STPG2: variants seen among roughly 807,000 people sequenced by gnomAD.
The protein encoded by STPG2 is sperm tail PG-rich repeat containing 2, also known as sperm-tail PG-rich repeat-containing protein 2.
A neutral mutation model predicts 54.2 loss-of-function variants in STPG2; 56 were observed. The observed-to-expected ratio is 1.03, with a 90% CI of 0.83 to 1.29. The LOEUF is 1.29. Among genes scored for constraint, STPG2 ranks in the 50% most tolerant of loss-of-function variants. STPG2 has a pLI of 0.00. For synonymous variants in STPG2, 200 were observed against 181.8 expected (o/e 1.10, Z -0.81); for missense variants, 596 against 544.9 (o/e 1.09, Z -0.93).
chr4:97,703,218 T>C (rs1393366483), intron 10 of STPG2, among the ~76,000 whole-genome samples: 1 of 151,784 alleles, frequency 6.6e-6, no homozygotes, highest in Admixed American at 6.6e-5. Flanking sequence ...GTGTTCTCCA[T>C]ATTATTAGAA....
In STPG2 at chr4:97,793,363, T is replaced by TTATATA. The variant is rs111505004; in HGVS notation, c.1204+47404_1204+47409dup. Among the ~76,000 whole-genome samples the TTATATA allele has an allele frequency of 2.4e-3, 332 of 138,580 alleles. 2 individuals are homozygous for TTATATA. Among genetic ancestry groups the TTATATA allele is most frequent in the African/African-American group, 7.8e-3 (287 of 36,620 alleles). The allele number at this position is 138,580 out of a possible 152,430, so 90.9% of individuals were successfully genotyped here. A position where few individuals can be genotyped will look rare whatever the true frequency, so the allele number is the denominator to read the frequency against. The stretch of plus-strand genomic sequence containing the variant: ...GATTTATATATATAAAATTAGAGTT[T>TTATATA]TATATATACACACACACACACACAC... On this transcript the variant is annotated intron_variant, in intron 9 of 10. Coordinates refer to ENST00000295268, the MANE Select transcript of STPG2 (RefSeq NM_174952.3).
intron 8 of STPG2, among the ~76,000 whole-genome samples, chr4:97,846,646 A>G (rs1181481404): frequency 6.9e-6 from 1 of 144,870 alleles, no homozygotes; most frequent in African/African-American, 2.6e-5. Context: ...AAAAAAAAAA[A>G]CACAGGAAGG....
chr4:97,930,126 T>C (rs891823369), intron 8 of STPG2, among the ~76,000 whole-genome samples: 1 of 152,114 alleles, frequency 6.6e-6, no homozygotes. Flanking sequence ...CTCAATCTCC[T>C]GACCTCGTAA....
chr4:97,928,909 G>A (rs1449697850), intron 8 of STPG2, among the ~76,000 whole-genome samples: 1 of 151,536 alleles, frequency 6.6e-6, no homozygotes, highest in Admixed American at 6.6e-5. Context: ...TAGGTTTGGG[G>A]GTCCATGTGA....
Position 97,972,406 on chromosome 4 carries a change from T to A in STPG2, c.807A>T (p.Ile269=). 1 of 1,600,880 alleles carries A rather than the reference T, an allele frequency of 6.2e-7. No individual in the cohort carries two copies. Among genetic ancestry groups the A allele is most frequent in the Non-Finnish European group, 8.5e-7 (1 of 1,171,582 alleles). ...PGFYNVLNNT[I]IASVRNICSK... is the part of the protein sequence containing the mutation. ...AGCAGATATTTCTAACACTGGCAATTATAGTATTGTTCAAGACATTATAAA... is the reference window on the plus strand; with the variant it reads ...AGCAGATATTTCTAACACTGGCAATAATAGTATTGTTCAAGACATTATAAA... Residue 269 remains isoleucine, a synonymous_variant, in exon 7 of 11, where the codon ATA becomes ATT. Coordinates refer to ENST00000295268, the MANE Select transcript of STPG2 (RefSeq NM_174952.3).
intron 8 of STPG2, among the ~76,000 whole-genome samples, chr4:97,891,466 C>T (rs942958069): frequency 6.6e-6 from 1 of 151,678 alleles, no homozygotes; most frequent in South Asian, 2.1e-4. Flanking sequence ...AGAAATAAAG[C>T]TTTATTTACC....
chr4:98,131,552 T>C (rs1021831932), intron 2 of STPG2, among the ~76,000 whole-genome samples: 1 of 152,128 alleles, frequency 6.6e-6, no homozygotes, highest in East Asian at 1.9e-4. Context: ...TTAAAACATA[T>C]CTTCCTAAGC....
intron 10 of STPG2, among the ~76,000 whole-genome samples, chr4:97,666,706 T>C (rs1284214538): frequency 1.3e-5 from 2 of 152,228 alleles, no homozygotes; most frequent in African/African-American, 2.4e-5. Flanking sequence ...GGTATCATGC[T>C]AAGCCTTGTG....
intron 9 of STPG2, among the ~76,000 whole-genome samples, chr4:97,821,910 A>C (rs1728103425): frequency 1.3e-5 from 2 of 152,164 alleles, no homozygotes; most frequent in African/African-American, 4.8e-5. Context: ...AGATCTCTGA[A>C]ATGCCTTGGA....
At chr4:97,487,577 G>A (rs1272778789) in intron 4 of STPG2, among the ~76,000 whole-genome samples, 3 of 151,234 alleles carry the variant, frequency 2.0e-5, no homozygotes, top group Non-Finnish European at 3.0e-5. Context: ...TAGAATGCAT[G>A]TTACACTTCA....
intron 8 of STPG2, among the ~76,000 whole-genome samples, chr4:97,877,469 G>A (rs1160451728): frequency 6.6e-6 from 1 of 152,184 alleles, no homozygotes; most frequent in African/African-American, 2.4e-5. Flanking sequence ...CGGACTCACA[G>A]TTCCACGTGG....
In STPG2 at chr4:97,558,962, T is replaced by C. The variant is rs535114640; in HGVS notation, c.*96A>G. 13 of 994,934 alleles carry C rather than the reference T, an allele frequency of 1.3e-5. No individual in the cohort carries two copies. The African/African-American group carries it at 2.0e-4, about 15-fold the overall frequency. The allele number at this position is 994,934 out of a possible 1,614,324, so 61.6% of individuals were successfully genotyped here. On this transcript the variant is annotated 3_prime_UTR_variant, in exon 11 of 11. Transcript: ENST00000295268. ...CCTGAACAAGTGAAAATTATGCTTT[T>C]ATTACTCCTATATTTGGAATAAATT...
At chr4:98,109,445 C>A in intron 3 of STPG2, 140 bp from the exon 4 acceptor site, 1 of 587,318 alleles carries the variant, frequency 1.7e-6, no homozygotes. Flanking sequence ...TGCTAAAGTG[C>A]TCTTGGATAG....
chr4:97,493,390 G>A (rs1578341346), intron 4 of STPG2, among the ~76,000 whole-genome samples: 1 of 151,378 alleles, frequency 6.6e-6, no homozygotes, highest in South Asian at 2.1e-4. Context: ...GCAGGATCCC[G>A]CTGTAATAGA....
intron 8 of STPG2, among the ~76,000 whole-genome samples, chr4:97,897,545 T>G (rs1312504242): frequency 6.6e-6 from 1 of 152,106 alleles, no homozygotes; most frequent in Non-Finnish European, 1.5e-5. Flanking sequence ...CATTCTTTTT[T>G]CTCTGCAACC....
chr4:97,818,573 C>T (rs1727988782), intron 9 of STPG2, among the ~76,000 whole-genome samples: 2 of 151,920 alleles, frequency 1.3e-5, no homozygotes, highest in South Asian at 4.2e-4. Flanking sequence ...GCTGTATTTT[C>T]AATTTTTCTT....
At chr4:97,736,630 A>C (rs901081018) in intron 9 of STPG2, among the ~76,000 whole-genome samples, 6 of 152,166 alleles carry the variant, frequency 3.9e-5, no homozygotes, top group African/African-American at 1.4e-4. Context: ...CTGAGATCAA[A>C]CTGCAAGGTG....
chr4:97,965,702 G>A (rs555429821), intron 7 of STPG2, among the ~76,000 whole-genome samples: 5 of 152,308 alleles, frequency 3.3e-5, no homozygotes, highest in South Asian at 2.1e-4. Context: ...TGCAGTCTCC[G>A]CTGGTGATAA....
chr4:97,764,271 C>A (rs889470410), intron 9 of STPG2, among the ~76,000 whole-genome samples: 1 of 152,012 alleles, frequency 6.6e-6, no homozygotes, highest in Admixed American at 6.6e-5. Context: ...AGAACAGATT[C>A]CATCTTATAC....
Sources: gnomAD v4.1 joint callset for allele counts (sites outside exome capture counted in the v4.1 genomes callset) on GRCh38, gnomAD v4.1.1 for gene constraint, MANE v1.5 for transcripts, NCBI Gene and HGNC (gene_info 2026-07-23, HGNC 2026-07-21) for gene names.